AKAP10: variants seen among roughly 807,000 people sequenced by gnomAD.
AKAP10 encodes A-kinase anchoring protein 10.
A neutral mutation model predicts 80.8 loss-of-function variants in AKAP10; 24 were observed. The ratio of observed to expected loss-of-function variants is 0.30; its 90% CI spans 0.22 to 0.42. The LOEUF (loss-of-function observed/expected upper bound fraction) is 0.42. Among genes scored for constraint, AKAP10 ranks in the 10% least tolerant of loss-of-function variants. AKAP10 has a pLI of 1.00. For missense variants in AKAP10, 661 were observed against 794.9 expected (o/e 0.83, Z 2.03); for synonymous variants, 291 against 277.7 (o/e 1.05, Z -0.48).
At chr17:19,958,732 G>T (rs2043312458) in intron 3 of AKAP10, among the ~76,000 whole-genome samples, 161 bp from the exon 4 acceptor site, 1 of 151,302 alleles carries the variant, frequency 6.6e-6, no homozygotes, top group Admixed American at 6.6e-5. Flanking sequence ...CTATGCTTTT[G>T]GTTTCTAAAC....
At chr17:19,975,255 G>C (rs748654526) in intron 1 of AKAP10, among the ~76,000 whole-genome samples, 7 of 152,150 alleles carry the variant, frequency 4.6e-5, no homozygotes, top group Non-Finnish European at 7.3e-5. Flanking sequence ...CTGGGTTCAA[G>C]CTATATTCCT....
chr17:19,951,202 C>T (rs1307371167), intron 4 of AKAP10, among the ~76,000 whole-genome samples: 2 of 110,312 alleles, frequency 1.8e-5, no homozygotes, highest in Admixed American at 1.9e-4. Flanking sequence ...AGCCCCCGCC[C>T]GGCCAGCCGC....
chr17:19,968,563 A>T, intron 1 of AKAP10, 102 bp from the exon 2 acceptor site: 1 of 993,344 alleles, frequency 1.0e-6, no homozygotes, highest in Admixed American at 1.9e-5. Flanking sequence ...GAGTATTCAA[A>T]GTTCTAGAAC....
intron 12 of AKAP10, among the ~76,000 whole-genome samples, chr17:19,916,601 A>C (rs1597489841): frequency 6.6e-6 from 1 of 151,966 alleles, no homozygotes; most frequent in African/African-American, 2.4e-5. Context: ...AAGCAGGAGC[A>C]CTTCTTCATG....
At chr17:19,910,359 C>T (rs1344053929) in intron 12 of AKAP10, among the ~76,000 whole-genome samples, 7 of 149,898 alleles carry the variant, frequency 4.7e-5, no homozygotes, top group Admixed American at 4.0e-4. Flanking sequence ...TCACCACCAC[C>T]ACCACAATGC....
At chr17:19,938,914 G>C (rs1487846262) in intron 8 of AKAP10, among the ~76,000 whole-genome samples, 1 of 151,752 alleles carries the variant, frequency 6.6e-6, no homozygotes, top group Non-Finnish European at 1.5e-5. Context: ...TGTATTTTTA[G>C]TAAAGGCGGG....
chr17:19,928,238 TAAATAAAAATAA>T (rs1183336691), intron 10 of AKAP10, among the ~76,000 whole-genome samples: 2 of 151,148 alleles, frequency 1.3e-5, no homozygotes, highest in Non-Finnish European at 2.9e-5. Context: ...AAAAAATAAA[TAAATAAAAATAA>T]AAATAAAAAT....
Position 19,931,912 on chromosome 17 carries a change from C to A in AKAP10, c.1534G>T (p.Val512Phe), listed in dbSNP as rs1414622872. The change falls in exon 10 of 15, where the codon GTT (valine) becomes TTT (phenylalanine). Residue 512 changes from valine (V) to phenylalanine (F), a missense_variant. Transcript: ENST00000225737. ...YKYLNDLIHS[V>F]RGDEFLGGNV... ...CCGCCCAGAAATTCATCTCCTCGAA[C>A]CGAATGGATGAGATCATTCAAATAT... 1 of 1,613,982 alleles carries A rather than the reference C, an allele frequency of 6.2e-7. No homozygotes were observed. Among genetic ancestry groups the A allele is most frequent in the African/African-American group, 1.3e-5 (1 of 74,980 alleles).
intron 8 of AKAP10, among the ~76,000 whole-genome samples, chr17:19,939,039 A>C (rs1467424561): frequency 6.6e-6 from 1 of 152,140 alleles, no homozygotes; most frequent in African/African-American, 2.4e-5. Flanking sequence ...ACCACGAATT[A>C]CTTTTTTTAC....
intron 8 of AKAP10, among the ~76,000 whole-genome samples, chr17:19,936,759 G>A (rs2042997069): frequency 6.6e-6 from 1 of 152,188 alleles, no homozygotes; most frequent in African/African-American, 2.4e-5. Flanking sequence ...CCTATTCTCT[G>A]TTGAGGACTT....
intron 14 of AKAP10, among the ~76,000 whole-genome samples, chr17:19,908,622 A>C (rs561309020): frequency 5.3e-5 from 8 of 150,884 alleles, no homozygotes; most frequent in Non-Finnish European, 1.0e-4. Context: ...TACAACTTCT[A>C]CTCAAATTGA....
chr17:19,918,003 G>A (rs577603550), intron 12 of AKAP10, among the ~76,000 whole-genome samples: 5 of 151,850 alleles, frequency 3.3e-5, no homozygotes, highest in South Asian at 2.1e-4. Flanking sequence ...GGCAGATTAC[G>A]AGGTCAGGAG....
chr17:19,973,255 C>A (rs947236472), intron 1 of AKAP10, among the ~76,000 whole-genome samples: 2 of 152,216 alleles, frequency 1.3e-5, no homozygotes, highest in African/African-American at 2.4e-5. Flanking sequence ...GCTGGCCATG[C>A]CTAAACTGGC....
chr17:19,909,323 G>C (rs1331739988), intron 13 of AKAP10, 47 bp from the exon 14 acceptor site: 1 of 1,498,496 alleles, frequency 6.7e-7, no homozygotes. Flanking sequence ...TCATTAGATG[G>C]ATCGAGATGC....
At chr17:19,923,371 C>T (rs2042839416) in intron 11 of AKAP10, among the ~76,000 whole-genome samples, 1 of 152,134 alleles carries the variant, frequency 6.6e-6, no homozygotes, top group South Asian at 2.1e-4. Context: ...AGCCACCGTG[C>T]CCGGCCTTGT....
At chr17:19,946,660 T>TA (rs2043136145) in intron 5 of AKAP10, among the ~76,000 whole-genome samples, 1 of 147,334 alleles carries the variant, frequency 6.8e-6, no homozygotes, top group African/African-American at 2.5e-5. Flanking sequence ...AGAAAAACTT[T>TA]TTTTTTTTTT....
At chr17:19,909,817 G>A in intron 13 of AKAP10, 109 bp downstream of exon 13, 1 of 879,650 alleles carries the variant, frequency 1.1e-6, no homozygotes, top group Non-Finnish European at 1.8e-6. Context: ...ACATAAATGT[G>A]CCATGCTGCT....
At chr17:19,943,965 G>C (rs1220711184) in intron 5 of AKAP10, among the ~76,000 whole-genome samples, 1 of 151,842 alleles carries the variant, frequency 6.6e-6, no homozygotes, top group Admixed American at 6.6e-5. Flanking sequence ...TCTGTTTTGT[G>C]AGAGTTCAGA....
chr17:19,950,772 C>T (rs1381471924), intron 4 of AKAP10, among the ~76,000 whole-genome samples: 1 of 151,732 alleles, frequency 6.6e-6, no homozygotes, highest in Non-Finnish European at 1.5e-5. Context: ...AGCCGCCCAT[C>T]GTCTGGGATG....
Sources: gnomAD v4.1 joint callset for allele counts (sites outside exome capture counted in the v4.1 genomes callset) on GRCh38, gnomAD v4.1.1 for gene constraint, MANE v1.5 for transcripts, NCBI Gene and HGNC (gene_info 2026-07-23, HGNC 2026-07-21) for gene names.